The following LRRTM4 variants were observed in gnomAD, a reference collection of about 807,000 sequenced individuals.
LRRTM4 encodes leucine rich repeat transmembrane neuronal 4.
In LRRTM4, 25 loss-of-function variants were observed where a neutral mutation model predicts 47.6. That is an observed-to-expected ratio of 0.53 (90% CI 0.38 to 0.73). The LOEUF is 0.73. Ranked by LOEUF, LRRTM4 falls within the 30% of genes least tolerant of loss-of-function variation. The pLI, the probability that LRRTM4 is intolerant of heterozygous loss-of-function variation, is 0.00. For synonymous variants in LRRTM4, 311 were observed against 269.5 expected (o/e 1.15, Z -1.51); for missense variants, 638 against 713.4 (o/e 0.89, Z 1.20).
intron 3 of LRRTM4, among the ~76,000 whole-genome samples, chr2:77,170,268 C>G (rs1474147828): frequency 2.6e-5 from 4 of 152,144 alleles, no homozygotes; most frequent in African/African-American, 9.7e-5. Flanking sequence ...TCAACCTAAC[C>G]TTTCTAGCTT....
rs754774127 is a variant in LRRTM4, at chr2:77,178,143, C to A, written c.1551+340175G>T. On this transcript the variant is annotated intron_variant, in intron 3 of 3. Transcript: ENST00000409884. ...CTATATTGTAATGAATAAATATTTT[C>A]TTATTTAATTGTTAATCTGAATATA... is the stretch of plus-strand genomic sequence containing the variant. Among the ~76,000 whole-genome samples the A allele has an allele frequency of 6.0e-4, 92 of 152,120 alleles. 1 individual carries two copies. Among genetic ancestry groups the A allele is most frequent in the South Asian group, 1.2e-3 (6 of 4,814 alleles).
chr2:77,136,565 G>T (rs968900639), intron 3 of LRRTM4, among the ~76,000 whole-genome samples: 1 of 152,184 alleles, frequency 6.6e-6, no homozygotes, highest in African/African-American at 2.4e-5. Context: ...AAAAATCAGA[G>T]CGCCTCTCCC....
chr2:77,464,511 T>C (rs779703280), intron 3 of LRRTM4, among the ~76,000 whole-genome samples: 42 of 151,594 alleles, frequency 2.8e-4, no homozygotes, highest in Non-Finnish European at 5.3e-4. Flanking sequence ...AGCTATTTCC[T>C]TTTTTTTCAA....
chr2:77,421,575 CG>C (rs1674888210), intron 3 of LRRTM4, among the ~76,000 whole-genome samples: 1 of 152,028 alleles, frequency 6.6e-6, no homozygotes, highest in African/African-American at 2.4e-5. Context: ...GGCGTGTTGG[CG>C]GGTGCCTGTA....
At chr2:77,434,207 C>G (rs554130331) in intron 3 of LRRTM4, among the ~76,000 whole-genome samples, 4 of 150,872 alleles carry the variant, frequency 2.7e-5, no homozygotes, top group African/African-American at 9.7e-5. Context: ...CAGACACAAT[C>G]ATGTGTGTAG....
chr2:77,134,472 T>C (rs868396678), intron 3 of LRRTM4, among the ~76,000 whole-genome samples: 39 of 152,304 alleles, frequency 2.6e-4, no homozygotes, highest in Non-Finnish European at 4.4e-4. Context: ...CTGGAGATAA[T>C]TATTTTAAAA....
At chr2:77,132,372 C>T (rs1422276228) in intron 3 of LRRTM4, among the ~76,000 whole-genome samples, 1 of 152,130 alleles carries the variant, frequency 6.6e-6, no homozygotes, top group Admixed American at 6.6e-5. Flanking sequence ...ATATATACCA[C>T]ATATTTTTAT....
chr2:77,246,922 G>T (rs1215300105), intron 3 of LRRTM4, among the ~76,000 whole-genome samples: 1 of 151,690 alleles, frequency 6.6e-6, no homozygotes, highest in Non-Finnish European at 1.5e-5. Context: ...AAAACTTCTG[G>T]ATGAATATAT....
chr2:77,511,620 T>C (rs921129012), intron 3 of LRRTM4, among the ~76,000 whole-genome samples: 5 of 151,948 alleles, frequency 3.3e-5, no homozygotes, highest in African/African-American at 1.2e-4. Flanking sequence ...CATAATAAGG[T>C]TATGGTATTT....
chr2:77,270,739 G>A lies in LRRTM4; in HGVS notation c.1551+247579C>T, dbSNP rs543233414. On this transcript the variant is annotated intron_variant, in intron 3 of 3. Coordinates refer to ENST00000409884, the MANE Select transcript of LRRTM4 (RefSeq NM_001134745.3). ...ATCTCCAAGCCAAAGACAGTTTAAA[G>A]CCTGAAAGCCAAGCTACAAGTCAAA... Among the ~76,000 whole-genome samples, 14 of 152,292 alleles carry A rather than the reference G, an allele frequency of 9.2e-5. No individual in the cohort carries two copies. The East Asian group carries it at 2.5e-3, about 27-fold the overall frequency.
chr2:77,095,600 G>T (rs889706425), intron 3 of LRRTM4, among the ~76,000 whole-genome samples: 1 of 150,926 alleles, frequency 6.6e-6, no homozygotes, highest in Non-Finnish European at 1.5e-5. Flanking sequence ...CCCCCTCCCC[G>T]GTTCAAATGA....
chr2:76,864,256 T>C (rs969608334), intron 3 of LRRTM4, among the ~76,000 whole-genome samples: 4 of 152,160 alleles, frequency 2.6e-5, no homozygotes, highest in South Asian at 2.1e-4. Context: ...CCTCCCAATA[T>C]GAAACCAAGC....
intron 3 of LRRTM4, among the ~76,000 whole-genome samples, chr2:77,141,615 T>C (rs1172564915): frequency 4.6e-5 from 7 of 152,128 alleles, no homozygotes; most frequent in Admixed American, 4.6e-4. Flanking sequence ...GAAATTAAAG[T>C]ATTAAAAAAA....
At chr2:76,954,952 G>A (rs1402396144) in intron 3 of LRRTM4, among the ~76,000 whole-genome samples, 2 of 151,666 alleles carry the variant, frequency 1.3e-5, no homozygotes, top group Non-Finnish European at 2.9e-5. Flanking sequence ...AAAACCGCCA[G>A]CCATAACATA....
intron 3 of LRRTM4, among the ~76,000 whole-genome samples, chr2:77,146,924 G>A (rs1441674627): frequency 2.6e-5 from 4 of 151,924 alleles, no homozygotes; most frequent in Admixed American, 1.3e-4. Context: ...GAATTTAGAG[G>A]GAGCTAGTTT....
At chr2:77,057,483 C>T (rs1679648124) in intron 3 of LRRTM4, among the ~76,000 whole-genome samples, 1 of 152,178 alleles carries the variant, frequency 6.6e-6, no homozygotes, top group Non-Finnish European at 1.5e-5. Flanking sequence ...CAAATAGTAA[C>T]ATGCAATTTA....
At chr2:76,919,158 C>T (rs2103802980) in intron 3 of LRRTM4, among the ~76,000 whole-genome samples, 1 of 152,242 alleles carries the variant, frequency 6.6e-6, no homozygotes, top group East Asian at 1.9e-4. Context: ...CCAGAGCCTT[C>T]ATGTGCAGGG....
intron 3 of LRRTM4, among the ~76,000 whole-genome samples, chr2:77,509,957 G>T (rs920199903): frequency 6.6e-6 from 1 of 152,012 alleles, no homozygotes; most frequent in African/African-American, 2.4e-5. Context: ...GTACTTCAAG[G>T]CTGACCTCTC....
At chr2:76,850,785 T>G (rs1665911166) in intron 3 of LRRTM4, among the ~76,000 whole-genome samples, 1 of 152,200 alleles carries the variant, frequency 6.6e-6, no homozygotes, top group Non-Finnish European at 1.5e-5. Context: ...TCTATAAATA[T>G]CCTGCTAATG....
Sources: gnomAD v4.1 joint callset for allele counts (sites outside exome capture counted in the v4.1 genomes callset) on GRCh38, gnomAD v4.1.1 for gene constraint, MANE v1.5 for transcripts, NCBI Gene and HGNC (gene_info 2026-07-23, HGNC 2026-07-21) for gene names.